Variants in TTC34 observed in about 807,000 individuals in gnomAD.
The protein encoded by TTC34 is tetratricopeptide repeat protein 34.
TTC34 carries 44 observed loss-of-function variants against 40.7 expected under a neutral mutation model. The ratio of observed to expected loss-of-function variants is 1.08; its 90% confidence interval spans 0.85 to 1.39. TTC34 has a LOEUF of 1.39. Ranked by LOEUF, TTC34 falls within the 40% of genes most tolerant of loss-of-function variation. TTC34 has a pLI of 0.00. For synonymous variants in TTC34, 422 were observed against 398.6 expected (o/e 1.06, Z -0.70); for missense variants, 884 against 838.0 (o/e 1.05, Z -0.68).
At chr1:2,752,888 C>A (rs1641371318) in intron 6 of TTC34, among the ~76,000 whole-genome samples, 2 of 151,412 alleles carry the variant, frequency 1.3e-5, no homozygotes, top group African/African-American at 2.4e-5. Flanking sequence ...TGGAACGGCA[C>A]CCACACCCCC....
exon 9 of TTC34, chr1:2,641,327 G>A (rs1356797504): frequency 6.9e-6 from 10 of 1,456,030 alleles, no homozygotes; most frequent in Non-Finnish European, 9.1e-6. Context: ...GCAGATGCTA[G>A]GGTGGCCCCG....
At chr1:2,655,247 C>CTGCTCCCGGAGGTGG (rs1473428097) in intron 6 of TTC34, among the ~76,000 whole-genome samples, 3 of 31,326 alleles carry the variant, frequency 9.6e-5, no homozygotes, top group Admixed American at 5.2e-4. Context: ...TGGAGCAGCA[C>CTGCTCCCGGAGGTGG]GCACACCCCC....
Position 2,775,756 on chromosome 1 carries a change from G to A in TTC34, c.2226+7853C>T, listed in dbSNP as rs916596617. The A allele has an allele frequency of 8.2e-5, 12 of 146,302 alleles. 2 individuals carry two copies. Among genetic ancestry groups the A allele is most frequent in the African/African-American group, 3.3e-4 (12 of 36,570 alleles). The allele number at this position is 146,302 out of a possible 1,614,324, so 9.1% of individuals were successfully genotyped here. ...GCCTAGAGCGGCACCTGCACACTTA[G>A]GTAAGAATCTGAAAGCCTGGATCAA... is the stretch of plus-strand genomic sequence containing the variant. On this transcript the variant is annotated intron_variant, in intron 6 of 8. Coordinates refer to ENST00000401095, the Ensembl canonical transcript of TTC34.
exon 9 of TTC34, chr1:2,637,722 G>A (rs1638820012): frequency 6.6e-6 from 1 of 151,734 alleles, no homozygotes; most frequent in South Asian, 2.1e-4. Context: ...CACACGTTCA[G>A]GTCTCTAAAC....
chr1:2,748,303 C>CGT (rs1641213935), intron 6 of TTC34, among the ~76,000 whole-genome samples: 4 of 26,268 alleles, frequency 1.5e-4, no homozygotes, highest in African/African-American at 2.5e-4. Context: ...TCTGACAGCC[C>CGT]GGAGCAGCAC....
chr1:2,675,506 G>T (rs1639876169), intron 6 of TTC34, among the ~76,000 whole-genome samples: 1 of 110,756 alleles, frequency 9.0e-6, no homozygotes, highest in Non-Finnish European at 2.1e-5. Flanking sequence ...CTGACAGCCT[G>T]CAACAGCACC....
intron 2 of TTC34, among the ~76,000 whole-genome samples, chr1:2,792,008 T>TG: frequency 1.1e-5 from 1 of 92,310 alleles, no homozygotes; most frequent in African/African-American, 4.6e-5. Flanking sequence ...GCCATATGCT[T>TG]TTTTTTTTTT....
rs543339262 is a variant in TTC34, at chr1:2,699,571, C to A, written c.2227-54008G>T. ...ATCTGACAGCCTGGAGCAGCACCCA[C>A]ACCCCCAGGTGAGCATCTGACAGCC... On this transcript the variant is annotated intron_variant, in intron 6 of 8. Coordinates refer to ENST00000401095, the Ensembl canonical transcript of TTC34. 1.4e-3 allele frequency among the ~76,000 whole-genome samples: 207 copies of A among 145,186 alleles called. 1 individual carries two copies. The highest frequency in any genetic ancestry group is 4.8e-3 in the African/African-American group (193 of 40,090).
chr1:2,687,525 C>A (rs556524710), intron 6 of TTC34, among the ~76,000 whole-genome samples: 2 of 146,602 alleles, frequency 1.4e-5, no homozygotes, highest in African/African-American at 5.4e-5. Context: ...AGCACCCACA[C>A]CCCCAGGTGA....
intron 6 of TTC34, among the ~76,000 whole-genome samples, chr1:2,646,410 G>A (rs183482240): frequency 2.6e-5 from 4 of 152,152 alleles, no homozygotes; most frequent in East Asian, 3.9e-4. Context: ...TTTGAGACAG[G>A]GTCTCTGTCT....
intron 2 of TTC34, among the ~76,000 whole-genome samples, chr1:2,797,361 C>A (rs910456393): frequency 1.2e-4 from 19 of 152,206 alleles, no homozygotes; most frequent in African/African-American, 4.3e-4. Context: ...AGGACACTCA[C>A]GCCAGGGAGG....
At chr1:2,660,610 G>A (rs1392409831) in intron 6 of TTC34, among the ~76,000 whole-genome samples, 1 of 30,666 alleles carries the variant, frequency 3.3e-5, no homozygotes, top group Admixed American at 4.5e-4. Context: ...AGCATCTGAT[G>A]GTCTGGAGCA....
chr1:2,755,685 G>A (rs1174742885), intron 6 of TTC34, among the ~76,000 whole-genome samples: 4 of 4,344 alleles, frequency 9.2e-4, no homozygotes, highest in Non-Finnish European at 1.5e-3. Context: ...ATCTGACATC[G>A]TGGAGCAGCA....
chr1:2,641,731 G>T lies in TTC34; in HGVS notation c.2877C>A (p.Asp959Glu), dbSNP rs1340724687. ...GCGCCTCCTGGAGCACATGGTCCAG[G>T]TCCCTAAGGGCCCGGCCAAACTCCT... Residue 959 changes from aspartate (D) to glutamate (E), a missense_variant, in exon 9 of 9, where the codon GAC (aspartate) becomes GAA (glutamate). Transcript: ENST00000401095. The T allele has an allele frequency of 2.1e-5, 33 of 1,535,204 alleles. No individual in the cohort carries two copies. The East Asian group carries it at 7.6e-4, about 35-fold the overall frequency.
intron 6 of TTC34, among the ~76,000 whole-genome samples, chr1:2,699,359 C>G (rs1163268322): frequency 8.7e-6 from 1 of 114,648 alleles, no homozygotes; most frequent in African/African-American, 2.8e-5. Context: ...CAGCCTGGAA[C>G]AGCACCGCAC....
chr1:2,750,076 C>G (rs1641265574), intron 6 of TTC34, among the ~76,000 whole-genome samples: 1 of 108,022 alleles, frequency 9.3e-6, no homozygotes, highest in Non-Finnish European at 1.8e-5. Flanking sequence ...CCTGGAGCAG[C>G]AGGCACACCC....
Position 2,783,794 on chromosome 1 carries a change from G to A in TTC34, c.2060-19C>T. On this transcript the variant is annotated intron_variant, in intron 5 of 8. Coordinates refer to ENST00000401095, the Ensembl canonical transcript of TTC34. ...TGGCTTCCTGCAGGAAGACGGCATG[G>A]GGTCAGGATGAGCCTATGCTGGGTC... is the stretch of plus-strand genomic sequence containing the variant. The A allele has an allele frequency of 1.4e-6, 2 of 1,471,834 alleles. No individual in the cohort carries two copies. Among genetic ancestry groups the A allele is most frequent in the Non-Finnish European group, 1.8e-6 (2 of 1,105,032 alleles). The allele number at this position is 1,471,834 out of a possible 1,614,324, so 91.2% of individuals were successfully genotyped here. A position where few individuals can be genotyped will look rare whatever the true frequency, so the allele number is the denominator to read the frequency against.
chr1:2,768,114 C>T (rs1391839220), intron 6 of TTC34, among the ~76,000 whole-genome samples: 5 of 151,356 alleles, frequency 3.3e-5, no homozygotes, highest in Admixed American at 6.6e-5. Flanking sequence ...CAGCCTAGAG[C>T]GGCACCTGCA....
At chr1:2,755,076 T>G (rs1641460918) in intron 6 of TTC34, among the ~76,000 whole-genome samples, 2 of 56,890 alleles carry the variant, frequency 3.5e-5, no homozygotes, top group African/African-American at 1.7e-4. Flanking sequence ...GGTGCGCACG[T>G]GACAGCCTGG....
Sources: gnomAD v4.1 joint callset for allele counts (sites outside exome capture counted in the v4.1 genomes callset) on GRCh38, gnomAD v4.1.1 for gene constraint, MANE v1.5 for transcripts, NCBI Gene and HGNC (gene_info 2026-07-23, HGNC 2026-07-21) for gene names.